MOSMO: variants seen among roughly 807,000 people sequenced by gnomAD.
The protein encoded by MOSMO is modulator of smoothened protein.
Under a neutral mutation model 18.4 loss-of-function variants are expected in MOSMO, and 5 were observed. That is an observed-to-expected ratio of 0.27 (90% CI 0.14 to 0.57). MOSMO has a LOEUF of 0.57. Ranked by LOEUF, MOSMO falls within the 20% of genes least tolerant of loss-of-function variation. The probability of loss-of-function intolerance (pLI) is 0.92; values close to 1 mark genes in which losing one functional copy is unlikely to be tolerated. For missense variants in MOSMO, 138 were observed against 211.8 expected (o/e 0.65, Z 2.16); for synonymous variants, 82 against 82.3 (o/e 1.00, Z 0.02).
chr16:22,052,137 C>G (rs1444371744), intron 1 of MOSMO, among the ~76,000 whole-genome samples: 1 of 152,114 alleles, frequency 6.6e-6, no homozygotes, highest in East Asian at 1.9e-4. Flanking sequence ...ATAAATTAGG[C>G]TGTCCATTGT....
At chr16:22,050,887 G>GAAAAAAA (rs34532029) in intron 1 of MOSMO, among the ~76,000 whole-genome samples, 2 of 70,488 alleles carry the variant, frequency 2.8e-5, no homozygotes, top group Admixed American at 1.6e-4. Flanking sequence ...TGTCTCTTAA[G>GAAAAAAA]AAAAAAAAAA....
At chr16:22,051,794 G>A (rs1485886106) in intron 1 of MOSMO, among the ~76,000 whole-genome samples, 1 of 152,202 alleles carries the variant, frequency 6.6e-6, no homozygotes, top group Non-Finnish European at 1.5e-5. Context: ...GGGATGGGGT[G>A]GGTGGCAGTC....
chr16:22,074,879 C>T (rs1248778253), intron 1 of MOSMO, among the ~76,000 whole-genome samples: 1 of 152,176 alleles, frequency 6.6e-6, no homozygotes, highest in Non-Finnish European at 1.5e-5. Flanking sequence ...AGAGGGCCCT[C>T]CTAGTTTTTC....
At chr16:22,021,797 CA>C (rs1233128599) in intron 1 of MOSMO, among the ~76,000 whole-genome samples, 8 of 145,914 alleles carry the variant, frequency 5.5e-5, no homozygotes, top group South Asian at 2.2e-4. Context: ...GACCCTGTCT[CA>C]AAAAAAAAAT....
chr16:22,052,302 T>C (rs1028224665), intron 1 of MOSMO, among the ~76,000 whole-genome samples: 1 of 152,178 alleles, frequency 6.6e-6, no homozygotes, highest in Non-Finnish European at 1.5e-5. Context: ...TATGCTAATA[T>C]GTAAGATTCT....
intron 1 of MOSMO, among the ~76,000 whole-genome samples, chr16:22,024,002 T>TATATATATATATATATATATATATATAC (rs1899820455): frequency 6.9e-6 from 1 of 145,648 alleles, no homozygotes; most frequent in African/African-American, 2.6e-5. Context: ...ACAAATTATA[T>TATATATATATATATATATATATATATAC]ATATATATAT....
chr16:22,008,498 G>T, intron 1 of MOSMO, 91 bp downstream of exon 1: 1 of 832,374 alleles, frequency 1.2e-6, no homozygotes, highest in Non-Finnish European at 1.7e-6. Context: ...ACGGGGTGGA[G>T]GGTCCCGGCC....
chr16:22,026,594 C>T (rs1326405376), intron 1 of MOSMO, among the ~76,000 whole-genome samples: 1 of 151,988 alleles, frequency 6.6e-6, no homozygotes, highest in Non-Finnish European at 1.5e-5. Flanking sequence ...GTGAGACATA[C>T]GGGAAGGGGT....
downstream of MOSMO, among the ~76,000 whole-genome samples, chr16:22,088,298 G>C (rs868770376): frequency 1.2e-4 from 18 of 152,174 alleles, no homozygotes; most frequent in African/African-American, 4.3e-4. Context: ...GAGCCACCAT[G>C]CATGCCCTGT....
At chr16:22,026,499 A>G (rs774303591) in intron 1 of MOSMO, among the ~76,000 whole-genome samples, 4 of 152,108 alleles carry the variant, frequency 2.6e-5, no homozygotes, top group African/African-American at 9.7e-5. Flanking sequence ...GATTACAGGC[A>G]TGAGCCACCG....
At chr16:22,009,832 A>AAAAAAG (rs1899484689) in intron 1 of MOSMO, among the ~76,000 whole-genome samples, 2 of 148,598 alleles carry the variant, frequency 1.3e-5, no homozygotes, top group Non-Finnish European at 1.5e-5. Context: ...AAAAAAAAAA[A>AAAAAAG]AAAAAGAGAA....
chr16:22,020,715 C>A (rs761845640), intron 1 of MOSMO, among the ~76,000 whole-genome samples: 1 of 152,224 alleles, frequency 6.6e-6, no homozygotes, highest in South Asian at 2.1e-4. Flanking sequence ...GAAATACTTA[C>A]TTCTGCAACA....
chr16:22,080,297 C>G (rs1455239544), intron 2 of MOSMO, among the ~76,000 whole-genome samples: 1 of 152,102 alleles, frequency 6.6e-6, no homozygotes, highest in Non-Finnish European at 1.5e-5. Context: ...AGTATTTCCC[C>G]CATTTTCAGA....
At chr16:22,057,480 G>T (rs765883537) in intron 1 of MOSMO, among the ~76,000 whole-genome samples, 5 of 152,226 alleles carry the variant, frequency 3.3e-5, no homozygotes, top group African/African-American at 1.2e-4. Context: ...ATTGCCGATT[G>T]TTTCCAACAC....
chr16:22,068,214 G>A (rs1172196960), intron 1 of MOSMO, among the ~76,000 whole-genome samples: 1 of 152,114 alleles, frequency 6.6e-6, no homozygotes, highest in Admixed American at 6.5e-5. Context: ...GGCTTATAGT[G>A]TATACATATA....
intron 1 of MOSMO, among the ~76,000 whole-genome samples, chr16:22,025,185 A>G (rs566762745): frequency 2.7e-4 from 41 of 152,088 alleles, no homozygotes; most frequent in African/African-American, 9.9e-4. Flanking sequence ...TGTTCAGCTT[A>G]CTAGCAGCAT....
chr16:22,090,798 G>A (rs1457500217), downstream of MOSMO, among the ~76,000 whole-genome samples: 1 of 152,130 alleles, frequency 6.6e-6, no homozygotes, highest in African/African-American at 2.4e-5. Flanking sequence ...CAAGAAAGAT[G>A]GTACCCACAC....
In MOSMO at chr16:22,075,515, G is replaced by T. The variant is rs754656655; in HGVS notation, c.135G>T (p.Gln45His). Reference sequence around the variant, plus strand: ...CACTCACTGTGGGCCTCGTGCGACAGTGTCAAACAATCCATGGACGAGACC... The same window carrying T: ...CACTCACTGTGGGCCTCGTGCGACATTGTCAAACAATCCATGGACGAGACC... ...AGALTVGLVR[Q>H]CQTIHGRDRT... is the part of the protein sequence containing the mutation. Residue 45 changes from glutamine to histidine, a missense_variant, in exon 2 of 3, where the codon CAG (glutamine) becomes CAT (histidine). Physicochemically the swap from Gln to His is conservative, Grantham distance 24 (BLOSUM62 0). Transcript: ENST00000542527. 1 of 1,537,328 alleles carries T rather than the reference G, an allele frequency of 6.5e-7. No individual in the cohort carries two copies. The highest frequency in any genetic ancestry group is 1.4e-5 in the African/African-American group (1 of 73,180).
intron 1 of MOSMO, among the ~76,000 whole-genome samples, chr16:22,059,176 A>C (rs1900595866): frequency 1.3e-5 from 2 of 152,188 alleles, no homozygotes; most frequent in Non-Finnish European, 2.9e-5. Flanking sequence ...GAGGTAATAT[A>C]AGTGATGTTT....
Sources: gnomAD v4.1 joint callset for allele counts (sites outside exome capture counted in the v4.1 genomes callset) on GRCh38, gnomAD v4.1.1 for gene constraint, MANE v1.5 for transcripts, NCBI Gene and HGNC (gene_info 2026-07-23, HGNC 2026-07-21) for gene names.